DTNB: variants seen among roughly 807,000 people sequenced by gnomAD.
DTNB encodes the protein dystrobrevin beta, also known as DTN-B.
In DTNB, 63 loss-of-function variants were observed where a neutral mutation model predicts 90.7. That is an observed-to-expected ratio of 0.69 (90% CI 0.57 to 0.86). The LOEUF is 0.86. DTNB is among the 40% of genes least tolerant of loss of function. DTNB has a pLI of 0.00. For missense variants in DTNB, 744 were observed against 807.1 expected, an observed-to-expected ratio of 0.92 and a Z score of 0.95; for synonymous variants, 277 against 286.7, an observed-to-expected ratio of 0.97 and a Z score of 0.34.
At chr2:25,626,360 A>C (rs186296031) in intron 4 of DTNB, among the ~76,000 whole-genome samples, 209 of 152,346 alleles carry the variant, frequency 1.4e-3, no homozygotes, top group Non-Finnish European at 2.2e-3. Flanking sequence ...TGAAACAAAA[A>C]GACAGTTCCT....
intron 5 of DTNB, among the ~76,000 whole-genome samples, chr2:25,597,258 G>A (rs1239037188): frequency 1.3e-5 from 2 of 151,794 alleles, no homozygotes; most frequent in African/African-American, 4.8e-5. Flanking sequence ...TTGAGCCCAG[G>A]AGGTCAAGAC....
intron 16 of DTNB, among the ~76,000 whole-genome samples, chr2:25,398,231 C>T (rs2042888124): frequency 6.6e-6 from 1 of 152,212 alleles, no homozygotes; most frequent in African/African-American, 2.4e-5. Context: ...AATAATCAGA[C>T]CCTCTTCCTG....
At chr2:25,629,265 A>G (rs748529136) in intron 3 of DTNB, among the ~76,000 whole-genome samples, 3 of 152,230 alleles carry the variant, frequency 2.0e-5, no homozygotes, top group African/African-American at 4.8e-5. Context: ...CAATAAAGAC[A>G]TTTTCAAGTA....
At chr2:25,662,685 C>CAA (rs1366855714) in intron 1 of DTNB, among the ~76,000 whole-genome samples, 167 of 129,004 alleles carry the variant, frequency 1.3e-3, no homozygotes, top group African/African-American at 4.7e-3. Context: ...CACACAAACA[C>CAA]ACACACACAC....
At chr2:25,455,180 G>C (rs140225810) in intron 11 of DTNB, among the ~76,000 whole-genome samples, 1 of 152,184 alleles carries the variant, frequency 6.6e-6, no homozygotes, top group Non-Finnish European at 1.5e-5. Context: ...CACTTTAAAG[G>C]AGAATGTCTG....
At chr2:25,412,044 CT>C (rs1350930949) in intron 16 of DTNB, among the ~76,000 whole-genome samples, 2 of 152,156 alleles carry the variant, frequency 1.3e-5, no homozygotes, top group Non-Finnish European at 2.9e-5. Context: ...CCAACAATCT[CT>C]TTAATGGCCA....
At chr2:25,586,099 T>C (rs2062348413) in intron 6 of DTNB, among the ~76,000 whole-genome samples, 1 of 152,156 alleles carries the variant, frequency 6.6e-6, no homozygotes, top group Admixed American at 6.5e-5. Context: ...TTTGAAAAAA[T>C]CATGGAATAA....
intron 9 of DTNB, among the ~76,000 whole-genome samples, chr2:25,513,174 A>C (rs567136033): frequency 1.3e-5 from 2 of 152,374 alleles, no homozygotes; most frequent in South Asian, 2.1e-4. Flanking sequence ...AATTATTCTA[A>C]ATTGCAGTCA....
chr2:25,438,087 G>A (rs1472836379), intron 12 of DTNB, among the ~76,000 whole-genome samples: 1 of 152,154 alleles, frequency 6.6e-6, no homozygotes, highest in Admixed American at 6.5e-5. Flanking sequence ...TGGGCAGAAA[G>A]AAGGGCAAAT....
chr2:25,628,670 T>C (rs1053914526), intron 3 of DTNB, among the ~76,000 whole-genome samples: 1 of 152,182 alleles, frequency 6.6e-6, no homozygotes, highest in Non-Finnish European at 1.5e-5. Flanking sequence ...AATGGATAAC[T>C]TGATAAAAAG....
At chr2:25,525,631 C>T (rs973614794) in intron 9 of DTNB, among the ~76,000 whole-genome samples, 17 of 149,084 alleles carry the variant, frequency 1.1e-4, no homozygotes, top group African/African-American at 4.2e-4. Context: ...AGCGAAATTC[C>T]GTCTCAAAAA....
chr2:25,493,222 A>G (rs995662975), intron 9 of DTNB, among the ~76,000 whole-genome samples: 63 of 152,114 alleles, frequency 4.1e-4, no homozygotes, highest in African/African-American at 1.5e-3. Context: ...CATTTGCTCG[A>G]CTTCTTTTTT....
intron 9 of DTNB, among the ~76,000 whole-genome samples, chr2:25,489,634 A>G (rs1396098044): frequency 6.6e-6 from 1 of 152,046 alleles, no homozygotes; most frequent in Admixed American, 6.5e-5. Flanking sequence ...CCTGGGTAAC[A>G]CAGCCAAGAC....
intron 4 of DTNB, among the ~76,000 whole-genome samples, chr2:25,611,360 A>C (rs958035915): frequency 2.0e-5 from 3 of 152,216 alleles, no homozygotes; most frequent in Non-Finnish European, 4.4e-5. Flanking sequence ...GAAAGAAAAA[A>C]AAGCTGCTTG....
intron 16 of DTNB, among the ~76,000 whole-genome samples, chr2:25,395,834 T>C (rs894224040): frequency 6.6e-6 from 1 of 152,180 alleles, no homozygotes. Flanking sequence ...TTTGAGTAAA[T>C]AAATTAATCC....
intron 8 of DTNB, among the ~76,000 whole-genome samples, chr2:25,534,162 T>C (rs2078877220): frequency 6.6e-6 from 1 of 152,168 alleles, no homozygotes; most frequent in African/African-American, 2.4e-5. Context: ...CCTTCGGCCC[T>C]GTTTGTGTCC....
intron 10 of DTNB, among the ~76,000 whole-genome samples, chr2:25,481,297 CG>C (rs2064891014): frequency 6.6e-6 from 1 of 151,002 alleles, no homozygotes; most frequent in Non-Finnish European, 1.5e-5. Context: ...TCCAGCTAGT[CG>C]GGAGGCTGAG....
rs146412198 is a variant in DTNB at position 25,488,713 on chromosome 2, G to T, written c.1002-5840C>A. Among the ~76,000 whole-genome samples, 897 of 152,210 alleles carry T rather than the reference G, an allele frequency of 5.9e-3. 11 individuals are homozygous for T. Among genetic ancestry groups the T allele is most frequent in the African/African-American group, 0.021 (858 of 41,516 alleles). On this transcript the variant is annotated intron_variant, in intron 9 of 20. Transcript: ENST00000406818. The stretch of plus-strand genomic sequence containing the variant: ...TGTTGCCCAGGCTGAAGTGCAATGG[G>T]GCAATCTCAGCTCACTGTAACCTCC...
At chr2:25,596,750 T>C (rs903757183) in intron 5 of DTNB, among the ~76,000 whole-genome samples, 1 of 152,206 alleles carries the variant, frequency 6.6e-6, no homozygotes, top group African/African-American at 2.4e-5. Flanking sequence ...GAAGGAGCCA[T>C]AGAGCATATT....
Sources: allele counts gnomAD v4.1 joint callset (sites outside exome capture counted in the v4.1 genomes callset), GRCh38; gene constraint gnomAD v4.1.1; transcripts MANE v1.5; gene names NCBI Gene and HGNC (gene_info 2026-07-23, HGNC 2026-07-21).